Variants in ENTPD1 observed in about 807,000 individuals in gnomAD.
ENTPD1 encodes the protein ATP diphosphohydrolase.
ENTPD1 carries 33 observed loss-of-function variants against 57.0 expected under a neutral mutation model. The ratio of observed to expected loss-of-function variants is 0.58; its 90% CI spans 0.44 to 0.77. The LOEUF is 0.77. Among genes scored for constraint, ENTPD1 ranks in the 30% least tolerant of loss-of-function variants. ENTPD1 has a pLI of 0.00. For missense variants in ENTPD1, 501 were observed against 603.4 expected, an observed-to-expected ratio of 0.83 and a Z score of 1.78; for synonymous variants, 202 against 218.8, an observed-to-expected ratio of 0.92 and a Z score of 0.68.
intron 1 of ENTPD1, among the ~76,000 whole-genome samples, chr10:95,805,989 GA>G (rs1308850032): frequency 6.6e-6 from 1 of 152,152 alleles, no homozygotes; most frequent in Non-Finnish European, 1.5e-5. Context: ...TCTTCTCGAG[GA>G]ATATCTTTGT....
intron 1 of ENTPD1, among the ~76,000 whole-genome samples, chr10:95,719,905 G>T (rs1467108540): frequency 6.6e-6 from 1 of 152,180 alleles, no homozygotes; most frequent in Non-Finnish European, 1.5e-5. Flanking sequence ...GCAGAAAAAG[G>T]CATCCTTAAG....
At chr10:95,724,541 A>G (rs2097981589) in intron 1 of ENTPD1, among the ~76,000 whole-genome samples, 1 of 152,172 alleles carries the variant, frequency 6.6e-6, no homozygotes. Flanking sequence ...GGGTCATGGA[A>G]GAGAACCATG....
chr10:95,775,967 C>CT (rs995980151), intron 1 of ENTPD1, among the ~76,000 whole-genome samples: 14 of 152,096 alleles, frequency 9.2e-5, no homozygotes, highest in Admixed American at 5.2e-4. Context: ...GCAACCCCTA[C>CT]TTTTTTTTGC....
chr10:95,721,189 T>G (rs1460169235), intron 1 of ENTPD1, among the ~76,000 whole-genome samples: 1 of 152,196 alleles, frequency 6.6e-6, no homozygotes, highest in African/African-American at 2.4e-5. Context: ...TTCCTTTCCC[T>G]GTGTTATAGT....
rs1373428177 is a variant in ENTPD1 at position 95,868,920 on chromosome 10, T to C, written c.*2537T>C. 1 of 985,130 alleles carries C rather than the reference T, an allele frequency of 1.0e-6. No homozygotes were observed. The highest frequency in any genetic ancestry group is 1.2e-6 in the Non-Finnish European group (1 of 829,926). The allele number at this position is 985,130 out of a possible 1,614,324, so 61.0% of individuals were successfully genotyped here. On this transcript the variant is annotated 3_prime_UTR_variant, in exon 10 of 10. Coordinates refer to ENST00000371205, the MANE Select transcript of ENTPD1 (RefSeq NM_001776.6). ...AACTCAACTTGTTAAAATCTCAAAT[T>C]ATGGAGACAATCAGCAGACACAACC...
At chr10:95,762,915 A>G (rs890594888) in intron 1 of ENTPD1, among the ~76,000 whole-genome samples, 1 of 152,068 alleles carries the variant, frequency 6.6e-6, no homozygotes, top group African/African-American at 2.4e-5. Context: ...TAATTACAGT[A>G]AATTTGACAT....
chr10:95,803,057 TATGAATTTTAAAATA>T (rs892487514), intron 1 of ENTPD1, among the ~76,000 whole-genome samples: 3 of 152,226 alleles, frequency 2.0e-5, no homozygotes, highest in Non-Finnish European at 2.9e-5. Context: ...CTTGGTTCCA[TATGAATTTTAAAATA>T]GTTTGTTCTA....
Position 95,791,503 on chromosome 10 carries a change from G to C in ENTPD1, c.17-31734G>C, listed in dbSNP as rs986342313. Reference sequence around the variant, plus strand: ...TTTGTAGCTTCGAGCTGGGATCAGAGAGTGGAAGTTAGAATGAAACAGAAC... The same window carrying C: ...TTTGTAGCTTCGAGCTGGGATCAGACAGTGGAAGTTAGAATGAAACAGAAC... On this transcript the variant is annotated intron_variant, in intron 1 of 9. Transcript: ENST00000371205. This position sits in a 1 kb window ranked among gnomAD's most constrained non-coding sequence, Gnocchi z 4.1. Among the ~76,000 whole-genome samples, 2 of 152,178 alleles carry C rather than the reference G, an allele frequency of 1.3e-5. No homozygotes were observed. The highest frequency in any genetic ancestry group is 2.9e-5 in the Non-Finnish European group (2 of 68,024).
At position 95,867,860 on chromosome 10, in the gene ENTPD1, C is replaced by CT. The variant is rs2098476109; in HGVS notation, c.*1481dup. 1 of 985,336 alleles carries CT rather than the reference C, an allele frequency of 1.0e-6. No individual in the cohort carries two copies. 61.0% of individuals were successfully genotyped at this position (985,336 alleles called of 1,614,324 possible). On this transcript the variant is annotated 3_prime_UTR_variant, in exon 10 of 10. Coordinates refer to ENST00000371205, the MANE Select transcript of ENTPD1 (RefSeq NM_001776.6). The stretch of plus-strand genomic sequence containing the variant: ...CCCTATCTCTTGAATGATCAAGTCA[C>CT]TTTTGACAACATCCAGGTGAATATA...
intron 8 of ENTPD1, among the ~76,000 whole-genome samples, chr10:95,862,117 G>T (rs2098466393): frequency 6.6e-6 from 1 of 152,192 alleles, no homozygotes; most frequent in Non-Finnish European, 1.5e-5. Context: ...TTCTGCTCAG[G>T]TAAGTCATGT....
Position 95,875,804 on chromosome 10 carries a change from CCT to C in ENTPD1, c.*9422_*9423del, listed in dbSNP as rs923698821. On this transcript the variant is annotated 3_prime_UTR_variant, in exon 10 of 10. Coordinates refer to ENST00000371205, the MANE Select transcript of ENTPD1 (RefSeq NM_001776.6). ...TGAAGAAGCAGCAAAAGCAGAAACC[CCT>C]GATAAAACCATCAGATCTCGTGAGA... The C allele has an allele frequency of 2.4e-4, 45 of 191,050 alleles. No homozygotes were observed. The highest frequency in any genetic ancestry group is 9.5e-4 in the African/African-American group (40 of 42,260). The allele number at this position is 191,050 out of a possible 1,614,324, so 11.8% of individuals were successfully genotyped here.
intron 2 of ENTPD1, among the ~76,000 whole-genome samples, chr10:95,830,840 T>C (rs2098394389): frequency 6.6e-6 from 1 of 152,154 alleles, no homozygotes; most frequent in Non-Finnish European, 1.5e-5. Flanking sequence ...TGATACGTTC[T>C]AAAATCTTCC....
At chr10:95,838,614 T>C (rs1469347479) in intron 2 of ENTPD1, among the ~76,000 whole-genome samples, 1 of 152,192 alleles carries the variant, frequency 6.6e-6, no homozygotes, top group South Asian at 2.1e-4. Context: ...TACATGGTGG[T>C]AGAAGTTAAG....
At chr10:95,752,192 A>G (rs11597321), upstream of ENTPD1, among the ~76,000 whole-genome samples, 40,715 of 151,932 alleles carry the variant, frequency 0.27, 6,262 homozygotes, top group Admixed American at 0.38. Flanking sequence ...TTTCATTGGC[A>G]TGGTGCGGTG....
chr10:95,824,202 G>T (rs1373617808), intron 2 of ENTPD1, among the ~76,000 whole-genome samples: 1 of 152,104 alleles, frequency 6.6e-6, no homozygotes, highest in Non-Finnish European at 1.5e-5. Context: ...AAATATATAA[G>T]GGCCCAGATG....
At chr10:95,748,451 AT>A (rs2098008397) in intron 1 of ENTPD1, among the ~76,000 whole-genome samples, 1 of 152,186 alleles carries the variant, frequency 6.6e-6, no homozygotes, top group Non-Finnish European at 1.5e-5. Context: ...AATAAAACAT[AT>A]CCCCATATAC....
the ENTPD1 span, among the ~76,000 whole-genome samples, chr10:95,699,812 A>G: frequency 7.2e-5 from 11 of 152,340 alleles, no homozygotes; most frequent in South Asian, 1.9e-3. Flanking sequence ...GATTTTTCAT[A>G]CATTTTTGAA....
chr10:95,836,096 G>A (rs1399558368), intron 2 of ENTPD1, among the ~76,000 whole-genome samples: 1 of 152,122 alleles, frequency 6.6e-6, no homozygotes, highest in Non-Finnish European at 1.5e-5. Flanking sequence ...TTTTCCCATT[G>A]TTTATTTTTG....
the ENTPD1 span, among the ~76,000 whole-genome samples, chr10:95,696,731 C>A: frequency 6.6e-6 from 1 of 152,028 alleles, no homozygotes; most frequent in Non-Finnish European, 1.5e-5. Context: ...GTATGGGGAC[C>A]AAGTCTTAAA....
Sources: gnomAD v4.1 joint callset for allele counts (sites outside exome capture counted in the v4.1 genomes callset) on GRCh38, gnomAD v4.1.1 for gene constraint, Gnocchi (gnomAD v3.1) non-coding constraint, MANE v1.5 for transcripts, NCBI Gene and HGNC (gene_info 2026-07-23, HGNC 2026-07-21) for gene names.